The following TRIQK variants were observed in gnomAD, a reference collection of about 807,000 sequenced individuals.
TRIQK encodes the protein triple QxxK/R motif containing, also known as triple QxxK/R motif-containing protein.
In TRIQK, 10 loss-of-function variants were observed where a neutral mutation model predicts 10.8. The observed-to-expected ratio is 0.92, with a 90% CI of 0.57 to 1.57. The LOEUF (loss-of-function observed/expected upper bound fraction) is 1.57, where lower values mean the gene tolerates loss of function less well. Among genes scored for constraint, TRIQK ranks in the 40% most tolerant of loss-of-function variants. TRIQK has a pLI of 0.00. For synonymous variants in TRIQK, 33 were observed against 33.7 expected (o/e 0.98, Z 0.07); for missense variants, 107 against 97.7 (o/e 1.09, Z -0.40).
At chr8:92,949,830 GAAAGAAAGA>G (rs1811795463) in intron 2 of TRIQK, among the ~76,000 whole-genome samples, 1 of 91,180 alleles carries the variant, frequency 1.1e-5, no homozygotes, top group Non-Finnish European at 2.0e-5. Flanking sequence ...AAGAAAGAAA[GAAAGAAAGA>G]AAGGGAGAGA....
chr8:92,948,928 T>G, intron 2 of TRIQK, among the ~76,000 whole-genome samples: 1 of 152,250 alleles, frequency 6.6e-6, no homozygotes, highest in East Asian at 1.9e-4. Flanking sequence ...CCTTTCCATG[T>G]GTAAACAGAC....
At chr8:92,995,034 T>G (rs1813138854) in intron 1 of TRIQK, among the ~76,000 whole-genome samples, 1 of 152,108 alleles carries the variant, frequency 6.6e-6, no homozygotes, top group African/African-American at 2.4e-5. Flanking sequence ...CATTGTATTT[T>G]TCCTTGCTAT....
intron 3 of TRIQK, among the ~76,000 whole-genome samples, chr8:92,901,279 T>A (rs558793337): frequency 3.3e-4 from 51 of 152,310 alleles, no homozygotes; most frequent in African/African-American, 1.2e-3. Flanking sequence ...TCCAGTACCA[T>A]GTTGAATAAC....
At chr8:93,000,767 G>A (rs767178909) in intron 1 of TRIQK, among the ~76,000 whole-genome samples, 1 of 151,630 alleles carries the variant, frequency 6.6e-6, no homozygotes, top group Non-Finnish European at 1.5e-5. Flanking sequence ...ATAGCTACAA[G>A]ATTCTTCATG....
intron 1 of TRIQK, among the ~76,000 whole-genome samples, chr8:93,006,859 G>A (rs1813278334): frequency 6.6e-6 from 1 of 152,176 alleles, no homozygotes; most frequent in South Asian, 2.1e-4. Context: ...TGATCTCCCT[G>A]GGACTAAGCC....
intron 2 of TRIQK, among the ~76,000 whole-genome samples, chr8:92,918,775 AC>A (rs34869928): frequency 0.065 from 9,449 of 146,060 alleles, 347 homozygotes; most frequent in South Asian, 0.15. Context: ...TTGAGATCTT[AC>A]CCCCCCCCAC....
At chr8:93,017,531 C>T (rs1039555686) in intron 1 of TRIQK, 1 of 152,194 alleles carries the variant, frequency 6.6e-6, no homozygotes, top group Non-Finnish European at 1.5e-5. Context: ...GGAACAGTAC[C>T]ATGATTCCCA....
At chr8:92,931,177 T>C (rs1810703846) in intron 2 of TRIQK, among the ~76,000 whole-genome samples, 1 of 152,198 alleles carries the variant, frequency 6.6e-6, no homozygotes, top group African/African-American at 2.4e-5. Flanking sequence ...ACATCTGTGT[T>C]CAGTGTAAAC....
chr8:93,007,563 G>A (rs1359122522), intron 1 of TRIQK, among the ~76,000 whole-genome samples: 3 of 152,194 alleles, frequency 2.0e-5, no homozygotes, highest in South Asian at 4.1e-4. Flanking sequence ...TCAGAAGGTG[G>A]ATAATAAAAA....
At chr8:92,963,952 T>A (rs548373593) in intron 1 of TRIQK, 1 of 152,320 alleles carries the variant, frequency 6.6e-6, no homozygotes, top group South Asian at 2.1e-4. Context: ...AATGTTCTTT[T>A]TACTTGTTTA....
chr8:92,927,755 T>A (rs760265590), intron 2 of TRIQK, among the ~76,000 whole-genome samples: 1 of 152,140 alleles, frequency 6.6e-6, no homozygotes, highest in African/African-American at 2.4e-5. Context: ...AGAAGGGACC[T>A]GGATGTCCAT....
At position 92,885,161 on chromosome 8, in the gene TRIQK, C is replaced by T. The variant is rs1816410085; in HGVS notation, c.*1461G>A. On this transcript the variant is annotated 3_prime_UTR_variant, in exon 5 of 5. Coordinates refer to ENST00000521988, the MANE Select transcript of TRIQK (RefSeq NM_001171797.2). ...TTTGTGAGGATATTGGAACCTTTGG[C>T]TGTTTTCACACCAATGAAATAAATT... 2.7e-6 allele frequency: 1 copy of T among 374,358 alleles called. No individual in the cohort carries two copies. Among genetic ancestry groups the T allele is most frequent in the Non-Finnish European group, 5.4e-6 (1 of 186,698 alleles). 23.2% of individuals were successfully genotyped at this position (374,358 alleles called of 1,614,324 possible).
At chr8:92,934,821 T>C (rs1030288332) in intron 2 of TRIQK, among the ~76,000 whole-genome samples, 2 of 151,870 alleles carry the variant, frequency 1.3e-5, no homozygotes, top group Non-Finnish European at 3.0e-5. Context: ...CAATAAAGAT[T>C]TTTGAGCTTA....
intron 4 of TRIQK, among the ~76,000 whole-genome samples, chr8:92,887,508 ATCTC>A (rs930763105): frequency 6.6e-6 from 1 of 151,480 alleles, no homozygotes; most frequent in Non-Finnish European, 1.5e-5. Flanking sequence ...ATATGTATAT[ATCTC>A]TGTGTGTATA....
intron 2 of TRIQK, among the ~76,000 whole-genome samples, chr8:92,953,250 G>T (rs1023289493): frequency 2.0e-5 from 3 of 151,978 alleles, no homozygotes; most frequent in African/African-American, 7.2e-5. Context: ...ATAGTAAGTA[G>T]TTAAAACACA....
At chr8:92,900,972 T>C (rs915528671) in intron 3 of TRIQK, among the ~76,000 whole-genome samples, 1 of 152,132 alleles carries the variant, frequency 6.6e-6, no homozygotes, top group African/African-American at 2.4e-5. Flanking sequence ...TTAAGTTTAT[T>C]CCTAGGTGTT....
intron 1 of TRIQK, among the ~76,000 whole-genome samples, chr8:92,985,566 T>G (rs936192291): frequency 5.3e-5 from 8 of 152,190 alleles, no homozygotes; most frequent in Non-Finnish European, 1.0e-4. Flanking sequence ...CATCTGCTAT[T>G]GGAAGCCAAA....
chr8:92,969,993 TC>T (rs778204316), upstream of TRIQK, among the ~76,000 whole-genome samples: 15 of 152,254 alleles, frequency 9.9e-5, no homozygotes, highest in Admixed American at 7.8e-4. Context: ...CCTCCCTGTG[TC>T]CATGTGTTCT....
At chr8:92,949,212 G>A (rs1461845204) in intron 2 of TRIQK, among the ~76,000 whole-genome samples, 3 of 152,106 alleles carry the variant, frequency 2.0e-5, no homozygotes, top group Non-Finnish European at 2.9e-5. Context: ...ATTTGTCTAA[G>A]TTTTTTCTTT....
Sources: allele counts gnomAD v4.1 joint callset (sites outside exome capture counted in the v4.1 genomes callset), GRCh38; gene constraint gnomAD v4.1.1; transcripts MANE v1.5; gene names NCBI Gene and HGNC (gene_info 2026-07-23, HGNC 2026-07-21).